STT3B: variants seen among roughly 807,000 people sequenced by gnomAD.
The protein encoded by STT3B is STT3 oligosaccharyltransferase complex catalytic subunit B, also known as dolichyl-diphosphooligosaccharide--protein glycosyltransferase subunit STT3B.
STT3B carries 29 observed loss-of-function variants against 96.8 expected under a neutral mutation model. The ratio of observed to expected loss-of-function variants is 0.30; its 90% CI spans 0.22 to 0.41. The LOEUF (loss-of-function observed/expected upper bound fraction) is 0.41. Among genes scored for constraint, STT3B ranks in the 10% least tolerant of loss-of-function variants. The pLI, the probability that STT3B is intolerant of heterozygous loss-of-function variation, is 1.00. For synonymous variants in STT3B, 367 were observed against 360.0 expected, an observed-to-expected ratio of 1.02 and a Z score of -0.22; for missense variants, 640 against 1,022.3, an observed-to-expected ratio of 0.63 and a Z score of 5.10.
chr3:31,628,573 A>T (rs1297175200), intron 13 of STT3B, among the ~76,000 whole-genome samples: 2 of 152,146 alleles, frequency 1.3e-5, no homozygotes, highest in Non-Finnish European at 2.9e-5. Context: ...CAGAAATTAC[A>T]TTTTTTACCT....
intron 1 of STT3B, among the ~76,000 whole-genome samples, chr3:31,555,042 G>C (rs1159664048): frequency 6.6e-6 from 1 of 152,050 alleles, no homozygotes; most frequent in East Asian, 1.9e-4. Context: ...CTGCCTCTGT[G>C]TTCCAAACCA....
At chr3:31,550,393 C>G (rs181938265) in intron 1 of STT3B, among the ~76,000 whole-genome samples, 2 of 152,276 alleles carry the variant, frequency 1.3e-5, no homozygotes, top group Admixed American at 1.3e-4. Context: ...TTATCTGAAG[C>G]TTATGACATG....
In STT3B at chr3:31,576,510, T is replaced by C; in HGVS notation, c.423+6T>C. 1 of 1,433,318 alleles carries C rather than the reference T, an allele frequency of 7.0e-7. No homozygotes were observed. Among genetic ancestry groups the C allele is most frequent in the Non-Finnish European group, 9.6e-7 (1 of 1,039,762 alleles). The allele number at this position is 1,433,318 out of a possible 1,614,324, so 88.8% of individuals were successfully genotyped here. ...GAAGAATAGTAGGTGGTACTGTAAG[T>C]ATATTAGCAGTTCTTTATGTTAATT... On this transcript the variant is annotated splice_donor_region_variant and intron_variant, in intron 2 of 15. Coordinates refer to ENST00000295770, the MANE Select transcript of STT3B (RefSeq NM_178862.3).
At chr3:31,564,245 T>C (rs1467518831) in intron 1 of STT3B, among the ~76,000 whole-genome samples, 1 of 152,208 alleles carries the variant, frequency 6.6e-6, no homozygotes, top group East Asian at 1.9e-4. Flanking sequence ...GCGACAGTTG[T>C]GTAAAAATGC....
chr3:31,571,242 G>T (rs1298085715), intron 1 of STT3B, among the ~76,000 whole-genome samples: 2 of 151,520 alleles, frequency 1.3e-5, no homozygotes, highest in Admixed American at 1.3e-4. Context: ...TAGTCTTAAG[G>T]GGGGAAAAGG....
chr3:31,618,089 C>A, intron 8 of STT3B, 101 bp downstream of exon 8: 1 of 795,174 alleles, frequency 1.3e-6, no homozygotes, highest in South Asian at 1.5e-5. Flanking sequence ...TTGGGCAACA[C>A]TTCTAAGTAC....
chr3:31,571,309 T>C (rs865969019), intron 1 of STT3B, among the ~76,000 whole-genome samples: 1 of 127,070 alleles, frequency 7.9e-6, no homozygotes, highest in Non-Finnish European at 1.7e-5. Context: ...GAAGAGGAGG[T>C]GTAAAAAAGA....
chr3:31,632,022 A>G (rs562101387), intron 14 of STT3B, among the ~76,000 whole-genome samples: 88 of 151,932 alleles, frequency 5.8e-4, no homozygotes, highest in Non-Finnish European at 9.9e-4. Flanking sequence ...CGTCCAGTTA[A>G]TTTTTGTATT....
intron 1 of STT3B, 46 bp downstream of exon 1, chr3:31,533,358 C>A (rs754587784): frequency 7.0e-7 from 1 of 1,422,388 alleles, no homozygotes; most frequent in East Asian, 3.2e-5. Flanking sequence ...CGCGGGGAAC[C>A]GGGACCCGCT....
chr3:31,583,380 A>G (rs115289174), intron 3 of STT3B, among the ~76,000 whole-genome samples: 5,582 of 152,100 alleles, frequency 0.037, 142 homozygotes, highest in South Asian at 0.065. Context: ...CATGTTGCCC[A>G]GGCTGGTCTT....
intron 1 of STT3B, among the ~76,000 whole-genome samples, chr3:31,545,961 G>A (rs1697402547): frequency 2.0e-5 from 3 of 151,936 alleles, no homozygotes; most frequent in Admixed American, 1.3e-4. Flanking sequence ...TTTTTGCTTT[G>A]TTTGGAGCTT....
chr3:31,590,519 A>G (rs557398314), intron 3 of STT3B, among the ~76,000 whole-genome samples: 2 of 152,036 alleles, frequency 1.3e-5, no homozygotes, highest in South Asian at 4.2e-4. Context: ...CTTCGAATTC[A>G]TAGTTTCTTT....
intron 1 of STT3B, among the ~76,000 whole-genome samples, chr3:31,575,762 A>G (rs750503485): frequency 8.6e-5 from 13 of 151,982 alleles, no homozygotes; most frequent in Non-Finnish European, 4.4e-5. Context: ...TAATGGCATT[A>G]CCCTGAGGAT....
chr3:31,617,408 G>C (rs1303759728), intron 7 of STT3B, among the ~76,000 whole-genome samples: 1 of 151,636 alleles, frequency 6.6e-6, no homozygotes, highest in Non-Finnish European at 1.5e-5. Flanking sequence ...AACAGAATCA[G>C]TTTCAGTCTG....
chr3:31,614,971 A>T, intron 5 of STT3B, 134 bp from the exon 6 acceptor site: 1 of 516,884 alleles, frequency 1.9e-6, no homozygotes, highest in Non-Finnish European at 3.4e-6. Context: ...TGGACATCTA[A>T]TAAAAGTCAT....
chr3:31,580,006 T>G lies in STT3B; in HGVS notation c.621T>G (p.Ile207Met), dbSNP rs755043994. ...TTTTAGCTGCTTGTTTTATTGCTAT[T>G]GTACCAGGCTACATATCTCGGTCAG... ...AGLLAACFIA[I>M]VPGYISRSVA... The change falls in exon 3 of 16, where the codon ATT becomes ATG. Residue 207 changes from isoleucine (I) to methionine (M), a missense_variant. By Grantham distance (10) the Ile-to-Met change is conservative (BLOSUM62 1). Around this residue, in one of 8 missense-constraint regions of STT3B, gnomAD observed 267 missense variants for 388.3 expected, o/e 0.69. Transcript: ENST00000295770. 1.2e-6 allele frequency: 2 copies of G among 1,613,914 alleles called. No homozygotes were observed. The highest frequency in any genetic ancestry group is 2.2e-5 in the East Asian group (1 of 44,854).
At chr3:31,567,045 A>G (rs577849417) in intron 1 of STT3B, among the ~76,000 whole-genome samples, 1 of 152,326 alleles carries the variant, frequency 6.6e-6, no homozygotes, top group African/African-American at 2.4e-5. Context: ...ATTCTCTTAA[A>G]GCTGTGCTGT....
chr3:31,554,617 G>C (rs1231277356), intron 1 of STT3B, among the ~76,000 whole-genome samples: 1 of 152,118 alleles, frequency 6.6e-6, no homozygotes, highest in Non-Finnish European at 1.5e-5. Flanking sequence ...GTGCTGGTGA[G>C]TTTTAATTTA....
intron 5 of STT3B, 77 bp from the exon 6 acceptor site, chr3:31,615,028 G>A (rs1699275403): frequency 3.7e-6 from 3 of 817,314 alleles, no homozygotes; most frequent in Non-Finnish European, 5.7e-6. Context: ...CTAAAAACAG[G>A]ATTTACATAT....
Sources: gnomAD v4.1 joint callset for allele counts (sites outside exome capture counted in the v4.1 genomes callset) on GRCh38, gnomAD v4.1.1 for gene constraint, gnomAD v4.1.1 regional missense constraint, MANE v1.5 for transcripts, NCBI Gene and HGNC (gene_info 2026-07-23, HGNC 2026-07-21) for gene names.